KHDRBS3: variants seen among roughly 807,000 people sequenced by gnomAD.
The protein encoded by KHDRBS3 is KH domain-containing, RNA-binding, signal transduction-associated protein 3.
KHDRBS3 carries 23 observed loss-of-function variants against 45.6 expected under a neutral mutation model. The ratio of observed to expected loss-of-function variants is 0.50; its 90% CI spans 0.36 to 0.72. The LOEUF (loss-of-function observed/expected upper bound fraction) is 0.72. Among genes scored for constraint, KHDRBS3 ranks in the 30% least tolerant of loss-of-function variants. The pLI, the probability that KHDRBS3 is intolerant of heterozygous loss-of-function variation, is 0.00. For synonymous variants in KHDRBS3, 162 were observed against 156.5 expected (o/e 1.04, Z -0.26); for missense variants, 352 against 424.8 (o/e 0.83, Z 1.51).
At chr8:135,550,886 T>A (rs890616546) in intron 4 of KHDRBS3, among the ~76,000 whole-genome samples, 1 of 152,196 alleles carries the variant, frequency 6.6e-6, no homozygotes, top group Non-Finnish European at 1.5e-5. Flanking sequence ...TTAAAAAAGA[T>A]ATTTTAAAAT....
chr8:135,606,569 T>C lies in KHDRBS3; in HGVS notation c.808-386T>C, dbSNP rs73712089. Among the ~76,000 whole-genome samples, 181 of 152,192 alleles carry C rather than the reference T, an allele frequency of 1.2e-3. 3 individuals carry two copies. Among genetic ancestry groups the C allele is most frequent in the South Asian group, 2.9e-3 (14 of 4,812 alleles). The stretch of plus-strand genomic sequence containing the variant: ...TCCAGACTCCTGGTGATTGTGGCTG[T>C]TGGTTTTCAAGGTTCCTTCAGAGCT... On this transcript the variant is annotated intron_variant, in intron 6 of 8. Transcript: ENST00000355849.
intron 1 of KHDRBS3, among the ~76,000 whole-genome samples, chr8:135,511,531 CTG>C (rs1824283071): frequency 6.6e-6 from 1 of 151,036 alleles, no homozygotes; most frequent in African/African-American, 2.4e-5. Context: ...AATATTTGCT[CTG>C]TTTTTTTGTT....
At chr8:135,513,409 C>T (rs1329030355) in intron 1 of KHDRBS3, among the ~76,000 whole-genome samples, 5 of 152,062 alleles carry the variant, frequency 3.3e-5, no homozygotes, top group Non-Finnish European at 7.4e-5. Context: ...CATAAAAACC[C>T]TATGGGGGGC....
chr8:135,583,875 G>T (rs927657463), intron 6 of KHDRBS3, among the ~76,000 whole-genome samples: 1 of 152,264 alleles, frequency 6.6e-6, no homozygotes, highest in East Asian at 1.9e-4. Context: ...AGGAGGAAAA[G>T]CAAAAGCAAG....
At chr8:135,639,055 C>G (rs1830944480) in intron 7 of KHDRBS3, among the ~76,000 whole-genome samples, 1 of 151,672 alleles carries the variant, frequency 6.6e-6, no homozygotes, top group African/African-American at 2.4e-5. Context: ...GAAAGTATGT[C>G]AAGGAAGAGG....
chr8:135,492,173 A>G (rs1323449037), intron 1 of KHDRBS3, among the ~76,000 whole-genome samples: 1 of 152,104 alleles, frequency 6.6e-6, no homozygotes, highest in Non-Finnish European at 1.5e-5. Flanking sequence ...GATCCCTATG[A>G]TCCAGTAATA....
chr8:135,549,960 C>A (rs989469925), intron 4 of KHDRBS3: 2 of 152,080 alleles, frequency 1.3e-5, no homozygotes, highest in Non-Finnish European at 2.9e-5. Context: ...CAATCTATTT[C>A]TTCTTTTAGT....
intron 5 of KHDRBS3, among the ~76,000 whole-genome samples, chr8:135,572,677 G>T (rs748444054): frequency 6.6e-6 from 1 of 152,248 alleles, no homozygotes; most frequent in Non-Finnish European, 1.5e-5. Context: ...CTCAGGCGAT[G>T]TGGATGCGCA....
Position 135,557,492 on chromosome 8 carries a change from A to G in KHDRBS3, c.516A>G (p.Thr172=), listed in dbSNP as rs545053327. 12 of 1,610,232 alleles carry G rather than the reference A, an allele frequency of 7.5e-6. No homozygotes were observed. Among genetic ancestry groups the G allele is most frequent in the Non-Finnish European group, 1.0e-5 (12 of 1,176,584 alleles). Residue 172 remains threonine (T), a synonymous_variant, in exon 5 of 9, where the codon ACA becomes ACG. Transcript: ENST00000355849. ...GGCAAGCACAGCTCCAGGAGTTAAC[A>G]TATTTGAATGGTGGTTCAGAAAATG... ...EIRQAQLQEL[T]YLNGGSENAD... is the part of the protein sequence containing the mutation.
intron 2 of KHDRBS3, among the ~76,000 whole-genome samples, chr8:135,523,145 A>T (rs1825002496): frequency 6.6e-6 from 1 of 152,140 alleles, no homozygotes; most frequent in Non-Finnish European, 1.5e-5. Flanking sequence ...GATACTTTAG[A>T]TCCTTTACAA....
intron 5 of KHDRBS3, among the ~76,000 whole-genome samples, chr8:135,566,534 G>T (rs1827425055): frequency 6.6e-6 from 1 of 152,114 alleles, no homozygotes; most frequent in Non-Finnish European, 1.5e-5. Context: ...AGATAGAGAG[G>T]AATTAACAAC....
rs143805067 is a variant in KHDRBS3, at chr8:135,527,573, C to T, written c.207+6218C>T. On this transcript the variant is annotated intron_variant, in intron 2 of 8. Transcript: ENST00000355849. ...AGAATGACATTTGAACTGTTTTAGA[C>T]GATGAGGCTTCTCCAGGTGCTTAAT... Among the ~76,000 whole-genome samples the T allele has an allele frequency of 7.9e-5, 12 of 152,312 alleles. No individual in the cohort carries two copies. The East Asian group carries it at 1.4e-3, about 17-fold the overall frequency.
chr8:135,515,251 A>G (rs1218260790), intron 1 of KHDRBS3, among the ~76,000 whole-genome samples: 2 of 151,654 alleles, frequency 1.3e-5, no homozygotes, highest in Non-Finnish European at 2.9e-5. Context: ...CTGTGGTCCC[A>G]GCTACTGGGG....
chr8:135,512,308 A>G (rs1365711327), intron 1 of KHDRBS3, among the ~76,000 whole-genome samples: 1 of 150,810 alleles, frequency 6.6e-6, no homozygotes. Context: ...CTGTTGTACT[A>G]TTTTGAAATC....
intron 8 of KHDRBS3, among the ~76,000 whole-genome samples, chr8:135,646,315 G>A (rs1280331503): frequency 6.6e-6 from 1 of 152,156 alleles, no homozygotes; most frequent in African/African-American, 2.4e-5. Flanking sequence ...AGGAGATAAA[G>A]ATGATAGAAT....
Position 135,609,590 on chromosome 8 carries a change from G to A in KHDRBS3, c.890+2553G>A, listed in dbSNP as rs371467404. On this transcript the variant is annotated intron_variant, in intron 7 of 8. Transcript: ENST00000355849. ...GATTACAGGTGTGAGCCACCACACC[G>A]GGCCTACCTTTTTGAAAATTAAAAA... is the stretch of plus-strand genomic sequence containing the variant. Among the ~76,000 whole-genome samples the A allele has an allele frequency of 2.2e-4, 33 of 148,890 alleles. No homozygotes were observed. The East Asian group carries it at 4.8e-3, about 22-fold the overall frequency.
At chr8:135,471,346 G>C (rs1185931804) in intron 1 of KHDRBS3, among the ~76,000 whole-genome samples, 1 of 152,200 alleles carries the variant, frequency 6.6e-6, no homozygotes, top group Non-Finnish European at 1.5e-5. Flanking sequence ...CCCTAAGACT[G>C]GTTGGGTGTC....
At chr8:135,491,496 G>T (rs931890402) in intron 1 of KHDRBS3, among the ~76,000 whole-genome samples, 14 of 152,134 alleles carry the variant, frequency 9.2e-5, no homozygotes, top group Admixed American at 1.3e-4. Context: ...GCGGGATAAA[G>T]GTAAACAATT....
chr8:135,531,491 A>G (rs1235746229), intron 2 of KHDRBS3, among the ~76,000 whole-genome samples: 5 of 152,150 alleles, frequency 3.3e-5, no homozygotes, highest in Non-Finnish European at 7.4e-5. Flanking sequence ...CTTTAACTCC[A>G]TAAGTATTTA....
Sources: gnomAD v4.1 joint callset for allele counts (sites outside exome capture counted in the v4.1 genomes callset) on GRCh38, gnomAD v4.1.1 for gene constraint, MANE v1.5 for transcripts, NCBI Gene and HGNC (gene_info 2026-07-23, HGNC 2026-07-21) for gene names.